DMD: variants seen among roughly 807,000 people sequenced by gnomAD.
The protein encoded by DMD is dystrophin.
In DMD, 63 loss-of-function variants were observed where a neutral mutation model predicts 330.1. The observed-to-expected ratio is 0.19, with a 90% CI of 0.16 to 0.24. The LOEUF is 0.24. DMD is among the 10% of genes least tolerant of loss of function. The pLI is 1.00. For synonymous variants in DMD, 1,223 were observed against 959.8 expected, an observed-to-expected ratio of 1.27 and a Z score of -5.07; for missense variants, 3,344 against 2,684.1, an observed-to-expected ratio of 1.25 and a Z score of -5.43.
chrX:32,763,416 G>T (rs1478902479), intron 7 of DMD, among the ~76,000 whole-genome samples: 1 of 111,758 alleles, frequency 8.9e-6, no homozygotes, highest in Non-Finnish European at 1.9e-5. Context: ...CCAAAATAAT[G>T]TATCACGATA....
intron 52 of DMD, among the ~76,000 whole-genome samples, chrX:31,721,685 A>ACT (rs767300805): frequency 0.044 from 1,717 of 39,159 alleles, 27 homozygotes; most frequent in South Asian, 0.06. Context: ...TCTCTCTCTC[A>ACT]CTCTCTCTCT....
intron 51 of DMD, among the ~76,000 whole-genome samples, chrX:31,768,665 C>T (rs1224456900): frequency 8.9e-6 from 1 of 111,856 alleles, no homozygotes; most frequent in Non-Finnish European, 1.9e-5. Context: ...ATTGTTGTTT[C>T]AGAGCAATTT....
At chrX:31,675,815 G>A (rs1208809082) in intron 53 of DMD, among the ~76,000 whole-genome samples, 1 of 112,187 alleles carries the variant, frequency 8.9e-6, no homozygotes, top group Non-Finnish European at 1.9e-5. Flanking sequence ...GCAATATTAA[G>A]TTTACAAATC....
In DMD at chrX:33,303,402, C is replaced by T. The variant is rs1392461764; in HGVS notation, c.7+35857G>A. Among the ~76,000 whole-genome samples the T allele has an allele frequency of 5.4e-5, 6 of 111,220 alleles. No homozygotes were observed. The East Asian group carries it at 8.5e-4, about 16-fold the overall frequency. ...ATAAAGCCAACATTCTTCTTTCCAC[C>T]GAAGAGACTTACATATAATACAAAT... On this transcript the variant is annotated intron_variant, in intron 1 of 17. Coordinates refer to the DMD transcript ENST00000288447.
At chrX:32,439,853 G>C (rs1298381815) in intron 28 of DMD, among the ~76,000 whole-genome samples, 1 of 111,394 alleles carries the variant, frequency 9.0e-6, no homozygotes, top group Admixed American at 9.6e-5. Context: ...TAAAAGATAA[G>C]AGCACTCGCA....
intron 64 of DMD, among the ~76,000 whole-genome samples, chrX:31,222,410 A>AAC (rs1162008626): frequency 1.3e-4 from 14 of 106,324 alleles, no homozygotes; most frequent in Non-Finnish European, 3.9e-5. Context: ...AAAAAAAAAA[A>AAC]AAAAAAACAG....
At chrX:32,558,317 C>T (rs773629862) in intron 16 of DMD, among the ~76,000 whole-genome samples, 1 of 111,990 alleles carries the variant, frequency 8.9e-6, no homozygotes, top group East Asian at 2.8e-4. Flanking sequence ...TGGCCTTCCT[C>T]TACATACCAT....
At chrX:31,231,261 A>G (rs2047170836) in intron 63 of DMD, among the ~76,000 whole-genome samples, 2 of 110,926 alleles carry the variant, frequency 1.8e-5, no homozygotes, top group South Asian at 7.5e-4. Context: ...ATTTTAATAT[A>G]TAACATATAT....
intron 1 of DMD, among the ~76,000 whole-genome samples, chrX:33,088,588 G>A (rs187838506): frequency 3.6e-4 from 40 of 111,129 alleles, no homozygotes; most frequent in Admixed American, 3.6e-3. Flanking sequence ...GGGAGGCTGA[G>A]GCAGGAGAAT....
intron 61 of DMD, among the ~76,000 whole-genome samples, chrX:31,327,539 C>G (rs1368737330): frequency 8.9e-6 from 1 of 112,168 alleles, no homozygotes; most frequent in Non-Finnish European, 1.9e-5. Context: ...TTAAGACATG[C>G]CAAAAGAGCA....
rs181234913 is a variant in DMD at position 32,690,335 on chromosome X, T to C, written c.960+7535A>G. On this transcript the variant is annotated intron_variant, in intron 9 of 78. Coordinates refer to ENST00000357033, the MANE Select transcript of DMD (RefSeq NM_004006.3). The stretch of plus-strand genomic sequence containing the variant: ...AGTATGTACTGAAAACTATAAAACA[T>C]TGATGAAAGAAATTAAAGATGACAA... Among the ~76,000 whole-genome samples, 394 of 111,135 alleles carry C rather than the reference T, an allele frequency of 3.5e-3. 5 individuals carry two copies. The highest frequency in any genetic ancestry group is 0.03 in the Admixed American group (309 of 10,401).
chrX:31,260,503 C>CA (rs1464660011), intron 63 of DMD, among the ~76,000 whole-genome samples: 1 of 111,633 alleles, frequency 9.0e-6, no homozygotes, highest in African/African-American at 3.3e-5. Context: ...AATGACCCGC[C>CA]AGGCCTTAGG....
intron 7 of DMD, among the ~76,000 whole-genome samples, chrX:32,719,716 G>C (rs1357387912): frequency 9.0e-6 from 1 of 110,904 alleles, no homozygotes; most frequent in East Asian, 2.8e-4. Context: ...TGCTTGGAAT[G>C]CCTGATACTT....
At chrX:32,527,875 TGTAA>T (rs1300388110) in intron 17 of DMD, among the ~76,000 whole-genome samples, 3 of 111,595 alleles carry the variant, frequency 2.7e-5, no homozygotes, top group South Asian at 3.7e-4. Flanking sequence ...GTTTGTATAG[TGTAA>T]GTGTGTCTCC....
intron 48 of DMD, among the ~76,000 whole-genome samples, chrX:31,855,181 A>G (rs1012981721): frequency 7.8e-5 from 7 of 89,790 alleles, no homozygotes; most frequent in Non-Finnish European, 1.6e-4. Flanking sequence ...GTCTCTTAAC[A>G]TTCATTTGAG....
At chrX:31,836,930 T>C (rs2093212550) in intron 48 of DMD, 111 bp from the exon 49 acceptor site, 2 of 656,940 alleles carry the variant, frequency 3.0e-6, no homozygotes, top group Non-Finnish European at 4.8e-6. Context: ...AATTTCTGCC[T>C]GGTACATAAG....
At chrX:31,599,587 C>A (rs1015001370) in intron 55 of DMD, among the ~76,000 whole-genome samples, 1 of 112,128 alleles carries the variant, frequency 8.9e-6, no homozygotes, top group Non-Finnish European at 1.9e-5. Flanking sequence ...TTAATAAAAT[C>A]TATTTATTTT....
chrX:32,625,177 CAAAA>C (rs1047483681), intron 11 of DMD, among the ~76,000 whole-genome samples: 1 of 110,594 alleles, frequency 9.0e-6, no homozygotes, highest in African/African-American at 3.3e-5. Context: ...TTTCAAAAAA[CAAAA>C]AAGAAAGAAT....
intron 71 of DMD, among the ~76,000 whole-genome samples, chrX:31,176,894 T>G (rs2040564135): frequency 9.0e-6 from 1 of 111,402 alleles, no homozygotes. Flanking sequence ...AAACCTCAAT[T>G]AATAATATGC....
Sources: allele counts gnomAD v4.1 joint callset (sites outside exome capture counted in the v4.1 genomes callset), GRCh38; gene constraint gnomAD v4.1.1; transcripts MANE v1.5; gene names NCBI Gene and HGNC (gene_info 2026-07-23, HGNC 2026-07-21).